Variants in SLC60A1 observed in about 807,000 individuals in gnomAD.
SLC60A1 encodes solute carrier family 60 member 1.
chr1:205,598,881 ACAGAG>A, the SLC60A1 span: 14 of 525,434 alleles, frequency 2.7e-5, no homozygotes, highest in Admixed American at 3.2e-4. Context: ...GTTCCAGAAC[ACAGAG>A]CTGCAAGGGA....
At chr1:205,571,514 T>C in the SLC60A1 span, among the ~76,000 whole-genome samples, 1 of 152,168 alleles carries the variant, frequency 6.6e-6, no homozygotes, top group Admixed American at 6.5e-5. Flanking sequence ...CTATCAGTGG[T>C]TGAGGTTTAA....
chr1:205,601,581 TTTTG>T, the SLC60A1 span: 8 of 152,264 alleles, frequency 5.3e-5, no homozygotes, highest in South Asian at 4.2e-4. Flanking sequence ...TTACATCTTT[TTTTG>T]TTTTTGTTTT....
the SLC60A1 span, among the ~76,000 whole-genome samples, chr1:205,595,311 C>T: frequency 1.3e-5 from 2 of 152,188 alleles, no homozygotes; most frequent in Non-Finnish European, 1.5e-5. Flanking sequence ...TACTTTGGCA[C>T]GTGGTGAACC....
At chr1:205,599,271 C>CTA in the SLC60A1 span, 1 of 1,613,072 alleles carries the variant, frequency 6.2e-7, no homozygotes. Flanking sequence ...GTATCTGTTT[C>CTA]TACACAAGAG....
the SLC60A1 span, among the ~76,000 whole-genome samples, chr1:205,577,311 C>T: frequency 1.3e-5 from 2 of 152,166 alleles, no homozygotes; most frequent in African/African-American, 2.4e-5. This position sits in a 1 kb window ranked among gnomAD's most constrained non-coding sequence, Gnocchi z 5.2. Flanking sequence ...CAGGCCACCC[C>T]ATGTGGGCTG....
At chr1:205,597,655 TA>T in the SLC60A1 span, 1 of 920,278 alleles carries the variant, frequency 1.1e-6, no homozygotes, top group Non-Finnish European at 1.7e-6. Flanking sequence ...TTCTGACTCC[TA>T]AAGTACTGGG....
chr1:205,586,016 C>T, the SLC60A1 span: 56 of 1,571,544 alleles, frequency 3.6e-5, 1 homozygote, highest in South Asian at 4.7e-4. Flanking sequence ...TGCTCAACAG[C>T]GCCCGGTCTC....
At chr1:205,599,374 C>G in the SLC60A1 span, 2 of 1,219,894 alleles carry the variant, frequency 1.6e-6, no homozygotes, top group Non-Finnish European at 2.2e-6. Context: ...AAGTAAAATG[C>G]AAGGAAATGT....
chr1:205,586,410 G>C, the SLC60A1 span, among the ~76,000 whole-genome samples: 57 of 152,294 alleles, frequency 3.7e-4, no homozygotes, highest in Admixed American at 2.9e-3. Context: ...ACCATGAAAA[G>C]TCCCTTCCCC....
At chr1:205,582,917 A>C in the SLC60A1 span, among the ~76,000 whole-genome samples, 1 of 152,178 alleles carries the variant, frequency 6.6e-6, no homozygotes, top group Non-Finnish European at 1.5e-5. Flanking sequence ...CTCCCCCAGA[A>C]CACCACCAGG....
the SLC60A1 span, among the ~76,000 whole-genome samples, chr1:205,570,100 G>A: frequency 2.0e-5 from 3 of 152,112 alleles, no homozygotes. Flanking sequence ...CCACGACAGG[G>A]CTCTGGACTC....
the SLC60A1 span, chr1:205,579,547 C>A: frequency 1.6e-6 from 1 of 615,314 alleles, no homozygotes; most frequent in African/African-American, 1.8e-5. Flanking sequence ...TGTCCTGCAG[C>A]CACCTTGTGA....
the SLC60A1 span, among the ~76,000 whole-genome samples, chr1:205,578,145 G>A: frequency 6.6e-6 from 1 of 152,186 alleles, no homozygotes; most frequent in Non-Finnish European, 1.5e-5. Context: ...CACTTGCCTT[G>A]GGGCATCCCT....
the SLC60A1 span, among the ~76,000 whole-genome samples, chr1:205,577,045 G>T: frequency 6.6e-6 from 1 of 152,066 alleles, no homozygotes. This position sits in a 1 kb window ranked among gnomAD's most constrained non-coding sequence, Gnocchi z 5.2. Flanking sequence ...GGCACCTAGT[G>T]TCCTTCTCAA....
chr1:205,582,760 C>T, the SLC60A1 span, among the ~76,000 whole-genome samples: 24 of 152,236 alleles, frequency 1.6e-4, no homozygotes, highest in Non-Finnish European at 2.9e-4. Context: ...CCATGTCTGA[C>T]CTTGACTTCT....
chr1:205,574,358 T>C, the SLC60A1 span, among the ~76,000 whole-genome samples: 1 of 151,332 alleles, frequency 6.6e-6, no homozygotes, highest in Non-Finnish European at 1.5e-5. Context: ...AGTGGGAGGG[T>C]CACTTGAGCC....
the SLC60A1 span, among the ~76,000 whole-genome samples, chr1:205,589,719 G>C: frequency 6.6e-6 from 1 of 152,190 alleles, no homozygotes; most frequent in African/African-American, 2.4e-5. Context: ...TACCAAAGTG[G>C]TAGAACTAGA....
the SLC60A1 span, chr1:205,597,991 T>C: frequency 1.2e-6 from 1 of 818,958 alleles, no homozygotes; most frequent in South Asian, 1.6e-5. Context: ...CCCTGTGCCG[T>C]TGTTACCTGT....
the SLC60A1 span, chr1:205,598,047 A>C: frequency 3.6e-6 from 2 of 562,990 alleles, no homozygotes; most frequent in South Asian, 4.1e-5. Flanking sequence ...CATATGTGGG[A>C]TCTGGAGATG....
Sources: allele counts gnomAD v4.1 joint callset (sites outside exome capture counted in the v4.1 genomes callset), GRCh38; gene constraint gnomAD v4.1.1; non-coding constraint Gnocchi (gnomAD v3.1); transcripts MANE v1.5; gene names NCBI Gene and HGNC (gene_info 2026-07-23, HGNC 2026-07-21).